FBXL17: variants seen among roughly 807,000 people sequenced by gnomAD.
The protein encoded by FBXL17 is F-box and leucine rich repeat protein 17.
A neutral mutation model predicts 66.2 loss-of-function variants in FBXL17; 22 were observed. The ratio of observed to expected loss-of-function variants is 0.33; its 90% confidence interval spans 0.24 to 0.47. The LOEUF (loss-of-function observed/expected upper bound fraction) is 0.47, where lower values mean the gene tolerates loss of function less well. Ranked by LOEUF, FBXL17 falls within the 20% of genes least tolerant of loss-of-function variation. The pLI, the probability that FBXL17 is intolerant of heterozygous loss-of-function variation, is 1.00. For missense variants in FBXL17, 878 were observed against 948.2 expected, an observed-to-expected ratio of 0.93 and a Z score of 0.97; for synonymous variants, 474 against 400.5, an observed-to-expected ratio of 1.18 and a Z score of -2.19.
chr5:108,008,957 G>A (rs537119273), intron 7 of FBXL17, among the ~76,000 whole-genome samples: 61 of 151,482 alleles, frequency 4.0e-4, no homozygotes, highest in African/African-American at 1.5e-3. Flanking sequence ...TTCTTGGAGA[G>A]GCTCCTAGAG....
rs533207841 is a variant in FBXL17 at position 107,888,484 on chromosome 5, C to G, written c.1823-7305G>C. Among the ~76,000 whole-genome samples the G allele has an allele frequency of 9.2e-5, 14 of 152,264 alleles. No individual in the cohort carries two copies. The East Asian group carries it at 2.7e-3, about 29-fold the overall frequency. On this transcript the variant is annotated intron_variant, in intron 7 of 8. Coordinates refer to ENST00000542267, the MANE Select transcript of FBXL17 (RefSeq NM_001163315.3). ...TTTCCAGGCTGAGAAACAGAGCAAG[C>G]CCAGCACGCCTGCGGTCTTTCATCC... is the stretch of plus-strand genomic sequence containing the variant.
At chr5:108,277,320 T>A (rs1159208888) in intron 4 of FBXL17, among the ~76,000 whole-genome samples, 2 of 152,188 alleles carry the variant, frequency 1.3e-5, no homozygotes, top group Admixed American at 6.5e-5. Flanking sequence ...TATTATTTTT[T>A]AAAATGAGAG....
At chr5:108,151,718 T>C (rs1751778840) in intron 6 of FBXL17, among the ~76,000 whole-genome samples, 1 of 152,162 alleles carries the variant, frequency 6.6e-6, no homozygotes, top group Non-Finnish European at 1.5e-5. Context: ...GGAAAGGCAA[T>C]TTACATAAGG....
intron 6 of FBXL17, among the ~76,000 whole-genome samples, chr5:108,050,420 C>G (rs1007533775): frequency 6.6e-6 from 1 of 152,124 alleles, no homozygotes; most frequent in Non-Finnish European, 1.5e-5. Context: ...TCACTCAAAA[C>G]CAAACAATTA....
chr5:108,209,318 T>C (rs1754264558), intron 5 of FBXL17, among the ~76,000 whole-genome samples: 3 of 152,196 alleles, frequency 2.0e-5, no homozygotes, highest in South Asian at 2.1e-4. Flanking sequence ...TCTTGCCTGA[T>C]TGTCCTGGCC....
At chr5:108,114,507 G>A (rs1750166448) in intron 6 of FBXL17, among the ~76,000 whole-genome samples, 1 of 152,170 alleles carries the variant, frequency 6.6e-6, no homozygotes, top group Non-Finnish European at 1.5e-5. Flanking sequence ...AAATAAAGTT[G>A]TTGTGTGTTC....
chr5:108,258,566 G>C (rs983201210), intron 4 of FBXL17, among the ~76,000 whole-genome samples: 1 of 152,084 alleles, frequency 6.6e-6, no homozygotes, highest in Non-Finnish European at 1.5e-5. Context: ...CAAAATTTCT[G>C]TTTGTTATTC....
intron 6 of FBXL17, among the ~76,000 whole-genome samples, chr5:108,029,271 GA>G (rs1754942532): frequency 6.6e-6 from 1 of 152,092 alleles, no homozygotes; most frequent in Admixed American, 6.6e-5. Context: ...TTAGGGAGCA[GA>G]AAAAGTGTAG....
chr5:107,906,136 G>A (rs1159229656), intron 7 of FBXL17, among the ~76,000 whole-genome samples: 2 of 148,666 alleles, frequency 1.3e-5, no homozygotes, highest in East Asian at 4.0e-4. Flanking sequence ...ACCTTTTCTT[G>A]GAAACTAGAT....
At chr5:108,172,143 T>C (rs368956157) in intron 6 of FBXL17, among the ~76,000 whole-genome samples, 4 of 152,194 alleles carry the variant, frequency 2.6e-5, no homozygotes, top group Admixed American at 1.3e-4. Context: ...CTTACTCACA[T>C]GTTTGACAGT....
At chr5:108,106,251 A>G (rs1749791614) in intron 6 of FBXL17, among the ~76,000 whole-genome samples, 1 of 152,228 alleles carries the variant, frequency 6.6e-6, no homozygotes, top group Non-Finnish European at 1.5e-5. Flanking sequence ...AAAATTGAAA[A>G]GACAGATAAT....
At chr5:107,920,817 A>G (rs1312814858) in intron 7 of FBXL17, among the ~76,000 whole-genome samples, 1 of 152,116 alleles carries the variant, frequency 6.6e-6, no homozygotes. Context: ...CACCAAGGCT[A>G]AGTGTTTAAG....
intron 4 of FBXL17, among the ~76,000 whole-genome samples, chr5:108,252,352 A>T (rs1238251628): frequency 6.6e-6 from 1 of 152,150 alleles, no homozygotes; most frequent in Non-Finnish European, 1.5e-5. Context: ...AAAACATACC[A>T]ATGCATGATT....
chr5:107,993,454 G>A (rs1288293611), intron 7 of FBXL17, among the ~76,000 whole-genome samples: 2 of 152,162 alleles, frequency 1.3e-5, no homozygotes, highest in Admixed American at 6.5e-5. Flanking sequence ...TCTAAGCAAA[G>A]CTACTAAATA....
At chr5:108,226,563 T>C (rs2966801) in intron 4 of FBXL17, among the ~76,000 whole-genome samples, 6,642 of 152,276 alleles carry the variant, frequency 0.044, 782 homozygotes, top group East Asian at 0.39. Flanking sequence ...TGTACCATGG[T>C]TAATTTTCTA....
chr5:108,034,221 C>T (rs1746754162), intron 6 of FBXL17, among the ~76,000 whole-genome samples: 1 of 152,180 alleles, frequency 6.6e-6, no homozygotes, highest in South Asian at 2.1e-4. Flanking sequence ...ACATGTAGTT[C>T]TCCACTTTAT....
Position 107,880,975 on chromosome 5 carries a change from G to A in FBXL17, c.1965+62C>T, listed in dbSNP as rs1580676950. ...GGAGATAGAGAAGGAGAGAGGATAT[G>A]ACATCAAGCTATTAACTATACTGAT... is the stretch of plus-strand genomic sequence containing the variant. On this transcript the variant is annotated intron_variant, in intron 8 of 8. Coordinates refer to ENST00000542267, the MANE Select transcript of FBXL17 (RefSeq NM_001163315.3). The A allele has an allele frequency of 1.9e-6, 3 of 1,613,122 alleles. 1 individual carries two copies. The Admixed American group carries it at 5.0e-5, about 27-fold the overall frequency.
intron 7 of FBXL17, among the ~76,000 whole-genome samples, chr5:108,011,825 A>AAAAC (rs995593477): frequency 2.0e-5 from 3 of 152,172 alleles, no homozygotes; most frequent in African/African-American, 7.2e-5. Flanking sequence ...CTCTATCTCA[A>AAAAC]AAACAAACAA....
At chr5:108,218,298 G>T (rs963567984) in intron 5 of FBXL17, among the ~76,000 whole-genome samples, 1 of 151,834 alleles carries the variant, frequency 6.6e-6, no homozygotes, top group Admixed American at 6.6e-5. Flanking sequence ...GTGAGCCACC[G>T]CGCCTGGCCA....
Sources: gnomAD v4.1 joint callset for allele counts (sites outside exome capture counted in the v4.1 genomes callset) on GRCh38, gnomAD v4.1.1 for gene constraint, MANE v1.5 for transcripts, NCBI Gene and HGNC (gene_info 2026-07-23, HGNC 2026-07-21) for gene names.